PITPNA: variants seen among roughly 807,000 people sequenced by gnomAD.
The protein encoded by PITPNA is phosphatidylinositol transfer protein alpha isoform.
PITPNA carries 13 observed loss-of-function variants against 50.3 expected under a neutral mutation model. The observed-to-expected ratio is 0.26, with a 90% CI of 0.17 to 0.41. PITPNA has a LOEUF of 0.41. Ranked by LOEUF, PITPNA falls within the 10% of genes least tolerant of loss-of-function variation. PITPNA has a pLI of 1.00. For missense variants in PITPNA, 207 were observed against 333.4 expected, an observed-to-expected ratio of 0.62 and a Z score of 2.95; for synonymous variants, 120 against 119.6, an observed-to-expected ratio of 1.00 and a Z score of -0.02.
At chr17:1,522,034 CATTCATTT>C (rs1297319083) in intron 10 of PITPNA, among the ~76,000 whole-genome samples, 1 of 151,296 alleles carries the variant, frequency 6.6e-6, no homozygotes, top group Non-Finnish European at 1.5e-5. Flanking sequence ...TGGCCCGTTT[CATTCATTT>C]ATTCATTCAA....
chr17:1,518,336 C>A lies in PITPNA; in HGVS notation c.*2225G>T, dbSNP rs908964101. ...GATGGAAGCAGCTGGTCTGAAGGGG[C>A]ATGGCACACACTCAGGTACTACCCC... On this transcript the variant is annotated 3_prime_UTR_variant, in exon 12 of 12. Transcript: ENST00000313486. The A allele has an allele frequency of 1.3e-5, 2 of 152,654 alleles. No homozygotes were observed. The highest frequency in any genetic ancestry group is 4.8e-5 in the African/African-American group (2 of 41,450). 9.5% of individuals were successfully genotyped at this position (152,654 alleles called of 1,614,324 possible).
intron 5 of PITPNA, 174 bp from the exon 6 acceptor site, chr17:1,541,814 T>G (rs991418546): frequency 1.9e-5 from 13 of 697,610 alleles, no homozygotes; most frequent in Non-Finnish European, 3.2e-5. Context: ...GCATGTATTA[T>G]CCCATTCAAT....
chr17:1,531,308 G>A (rs577152311), intron 10 of PITPNA, among the ~76,000 whole-genome samples: 1 of 152,120 alleles, frequency 6.6e-6, no homozygotes, highest in African/African-American at 2.4e-5. Flanking sequence ...AAAAAGACTC[G>A]AAGTCCTGAG....
At chr17:1,530,371 C>G (rs199749636) in intron 10 of PITPNA, among the ~76,000 whole-genome samples, 1 of 152,014 alleles carries the variant, frequency 6.6e-6, no homozygotes, top group Admixed American at 6.6e-5. Flanking sequence ...AAGAGAGAGA[C>G]AGAAACTGCT....
In PITPNA at chr17:1,543,010, C is replaced by T. The variant is rs756321169; in HGVS notation, c.297+10G>A. 8 of 1,583,518 alleles carry T rather than the reference C, an allele frequency of 5.1e-6. No homozygotes were observed. Among genetic ancestry groups the T allele is most frequent in the Non-Finnish European group, 8.6e-7 (1 of 1,167,096 alleles). ...TCATCTACAGTTCCAACCCCCTTGA[C>T]AATACTTACTGTAATAACTGCTCCG... On this transcript the variant is annotated intron_variant, in intron 5 of 11. Transcript: ENST00000313486.
At chr17:1,544,144 C>A (rs1033255088) in intron 4 of PITPNA, among the ~76,000 whole-genome samples, 1 of 152,328 alleles carries the variant, frequency 6.6e-6, no homozygotes, top group East Asian at 1.9e-4. Context: ...TCTCCTAGTT[C>A]GGCCTCTCCG....
chr17:1,558,619 T>G (rs373851712), intron 1 of PITPNA, 60 bp from the exon 2 acceptor site: 7 of 1,182,912 alleles, frequency 5.9e-6, no homozygotes. Context: ...CAAGGCTCTT[T>G]AAAGCATCAT....
At chr17:1,533,480 C>A (rs1259523668) in intron 10 of PITPNA, among the ~76,000 whole-genome samples, 1 of 152,112 alleles carries the variant, frequency 6.6e-6, no homozygotes, top group African/African-American at 2.4e-5. Flanking sequence ...ACAGTGAGTG[C>A]TTGAATGTTA....
chr17:1,542,213 A>G (rs999561029), intron 5 of PITPNA, among the ~76,000 whole-genome samples: 4 of 152,082 alleles, frequency 2.6e-5, no homozygotes, highest in Non-Finnish European at 5.9e-5. Flanking sequence ...AAAAAAAAAA[A>G]AAGTCACAGA....
intron 10 of PITPNA, among the ~76,000 whole-genome samples, chr17:1,525,833 T>A (rs1191236748): frequency 6.6e-6 from 1 of 152,226 alleles, no homozygotes; most frequent in African/African-American, 2.4e-5. Context: ...GTCATATTTT[T>A]AAAAGACAAC....
intron 10 of PITPNA, among the ~76,000 whole-genome samples, chr17:1,528,665 A>C (rs2075561701): frequency 6.6e-6 from 1 of 151,966 alleles, no homozygotes; most frequent in South Asian, 2.1e-4. Flanking sequence ...TGAGCCCAGA[A>C]GTTGAAGGCT....
chr17:1,530,930 T>C (rs569778237), intron 10 of PITPNA, among the ~76,000 whole-genome samples: 3 of 152,274 alleles, frequency 2.0e-5, no homozygotes, highest in Admixed American at 6.5e-5. Flanking sequence ...CCGCTGCAGA[T>C]GGGAGTACCA....
intron 7 of PITPNA, chr17:1,535,853 A>C (rs759360766): frequency 7.1e-6 from 2 of 282,078 alleles, no homozygotes; most frequent in Non-Finnish European, 1.4e-5. Flanking sequence ...TTTTTAAAAC[A>C]CAGATTTTTG....
At chr17:1,521,910 T>TG (rs1293835920) in intron 10 of PITPNA, among the ~76,000 whole-genome samples, 4 of 137,528 alleles carry the variant, frequency 2.9e-5, no homozygotes, top group African/African-American at 8.4e-5. Flanking sequence ...GAGGTGTGTG[T>TG]GGGGGGGTCT....
At chr17:1,528,925 G>A (rs1310797152) in intron 10 of PITPNA, among the ~76,000 whole-genome samples, 3 of 146,712 alleles carry the variant, frequency 2.0e-5, no homozygotes, top group Middle Eastern at 3.8e-3. Context: ...ATCACCTGAG[G>A]TCAGGAGTTC....
In PITPNA at chr17:1,519,833, T is replaced by G. The variant is rs575978134; in HGVS notation, c.*728A>C. 1 of 152,176 alleles carries G rather than the reference T, an allele frequency of 6.6e-6. No homozygotes were observed. Among genetic ancestry groups the G allele is most frequent in the African/African-American group, 2.4e-5 (1 of 41,366 alleles). 9.4% of individuals were successfully genotyped at this position (152,176 alleles called of 1,614,324 possible). ...GGCGATTTTGTAGACTGCAGAGAGA[T>G]TCAGAGCGGGCAACAGGAGGGCCAA... On this transcript the variant is annotated 3_prime_UTR_variant, in exon 12 of 12. Transcript: ENST00000313486.
intron 4 of PITPNA, among the ~76,000 whole-genome samples, 165 bp downstream of exon 4, chr17:1,548,131 C>A (rs1013986832): frequency 6.6e-6 from 1 of 152,238 alleles, no homozygotes; most frequent in Non-Finnish European, 1.5e-5. Flanking sequence ...CGGTGCTTCT[C>A]GCCCTGCTGT....
intron 7 of PITPNA, 29 bp from the exon 8 acceptor site, chr17:1,535,547 A>AGGGGAGTGGGAG: frequency 6.9e-7 from 1 of 1,456,734 alleles, no homozygotes. Flanking sequence ...TTGGGGTTGG[A>AGGGGAGTGGGAG]GGGGAGTGGG....
intron 10 of PITPNA, among the ~76,000 whole-genome samples, chr17:1,528,244 G>A (rs1032778803): frequency 1.3e-5 from 2 of 152,112 alleles, no homozygotes; most frequent in Non-Finnish European, 2.9e-5. Flanking sequence ...GGATTCAAGC[G>A]ATTCTCCTGT....
Sources: allele counts gnomAD v4.1 joint callset (sites outside exome capture counted in the v4.1 genomes callset), GRCh38; gene constraint gnomAD v4.1.1; transcripts MANE v1.5; gene names NCBI Gene and HGNC (gene_info 2026-07-23, HGNC 2026-07-21).